Variants in CEP162 observed in about 807,000 individuals in gnomAD.
CEP162 encodes the protein centrosomal protein 162, also known as centrosomal protein of 162 kDa.
In CEP162, 141 loss-of-function variants were observed where a neutral mutation model predicts 169.2. That is an observed-to-expected ratio of 0.83 (90% CI 0.73 to 0.96). CEP162 has a LOEUF of 0.96. Ranked by LOEUF, CEP162 falls within the 40% of genes least tolerant of loss-of-function variation. The pLI is 0.00. For synonymous variants in CEP162, 540 were observed against 526.4 expected, an observed-to-expected ratio of 1.03 and a Z score of -0.35; for missense variants, 1,600 against 1,587.2, an observed-to-expected ratio of 1.01 and a Z score of -0.14.
chr6:84,129,789 T>C (rs2099510515), intron 25 of CEP162, among the ~76,000 whole-genome samples: 1 of 152,210 alleles, frequency 6.6e-6, no homozygotes, highest in Admixed American at 6.5e-5. Flanking sequence ...AAATATACAA[T>C]TGTGTCATCT....
chr6:84,127,502 C>T (rs1313060594), intron 25 of CEP162, among the ~76,000 whole-genome samples: 1 of 151,948 alleles, frequency 6.6e-6, no homozygotes, highest in Non-Finnish European at 1.5e-5. Context: ...AGGGAGAGGC[C>T]TCACAGAACA....
In CEP162 at chr6:84,161,908, A is replaced by G; in HGVS notation, c.2514T>C (p.Gly838=). 1 of 1,499,578 alleles carries G rather than the reference A, an allele frequency of 6.7e-7. No individual in the cohort carries two copies. Among genetic ancestry groups the G allele is most frequent in the Admixed American group, 1.9e-5 (1 of 52,850 alleles). The allele number at this position is 1,499,578 out of a possible 1,614,324, so 92.9% of individuals were successfully genotyped here. A position where few individuals can be genotyped will look rare whatever the true frequency, so the allele number is the denominator to read the frequency against. Residue 838 remains glycine (G), a splice_region_variant and synonymous_variant, in exon 20 of 27, where the codon GGT becomes GGC. Coordinates refer to ENST00000403245, the MANE Select transcript of CEP162 (RefSeq NM_014895.4). The part of the protein sequence containing the change: ...QAKDQIAYVT[G]EKLYEIKILE... ...AAATTTTTATTTCATATAATTTCTC[A>G]CCTATAAGATACAGTAACTCAATAA...
In CEP162 at chr6:84,185,191, T is replaced by C. The variant is rs977137579; in HGVS notation, c.1659A>G (p.Lys553=). 6.2e-7 allele frequency: 1 copy of C among 1,609,296 alleles called. No homozygotes were observed. Among genetic ancestry groups the C allele is most frequent in the South Asian group, 1.1e-5 (1 of 90,938 alleles). Residue 553 remains lysine (K), a synonymous_variant, in exon 13 of 27, where the codon AAA becomes AAG. Transcript: ENST00000403245. The part of the protein sequence containing the change: ...RSISTSNQPR[K]KEILSGTKLI... ...AAATAAAGAGTATATGATTACCTTT[T>C]TTCCTAGGTTGATTGGAGGTAGAAA...
At chr6:84,176,544 A>AACGGG (rs2099532490) in intron 13 of CEP162, among the ~76,000 whole-genome samples, 2 of 152,196 alleles carry the variant, frequency 1.3e-5, no homozygotes, top group African/African-American at 4.8e-5. Context: ...GTACAGGTGG[A>AACGGG]ACGTCCCGGA....
chr6:84,210,575 G>A (rs2099549046), intron 6 of CEP162, among the ~76,000 whole-genome samples: 1 of 152,178 alleles, frequency 6.6e-6, no homozygotes, highest in Non-Finnish European at 1.5e-5. Context: ...GATAAGTTCA[G>A]AAAGGCTGAG....
chr6:84,206,058 C>T (rs1429648245), intron 6 of CEP162, among the ~76,000 whole-genome samples: 17 of 148,478 alleles, frequency 1.1e-4, no homozygotes, highest in South Asian at 6.2e-4. Context: ...CCCTGCTCAA[C>T]GAAATAAAAG....
At chr6:84,150,326 T>C (rs1411144387) in intron 23 of CEP162, among the ~76,000 whole-genome samples, 2 of 152,196 alleles carry the variant, frequency 1.3e-5, no homozygotes, top group African/African-American at 4.8e-5. Context: ...AGATTTGGTA[T>C]ATTTCCTACA....
intron 13 of CEP162, among the ~76,000 whole-genome samples, chr6:84,180,090 C>T (rs1053213879): frequency 6.6e-6 from 1 of 152,114 alleles, no homozygotes; most frequent in African/African-American, 2.4e-5. Flanking sequence ...ATGCAAAAAT[C>T]CTCAATGAAA....
Position 84,185,402 on chromosome 6 carries a change from C to T in CEP162, c.1448G>A (p.Gly483Asp), listed in dbSNP as rs774502778. 4.3e-6 allele frequency: 7 copies of T among 1,613,236 alleles called. No homozygotes were observed. The East Asian group carries it at 8.9e-5, about 21-fold the overall frequency. ...GGCCTTCTTGTATGGTACCTGTTTA[C>T]CCATTACAGCCCCTTCTTCTTCAGA... ...LSSEEEGAVMGKQVPYKKARS... is the reference protein window; with the variant it reads ...LSSEEEGAVMDKQVPYKKARS... The change falls in exon 13 of 27, where the codon GGT becomes GAT. Residue 483 changes from glycine to aspartate, a missense_variant. By Grantham distance (94) the Gly-to-Asp change is moderately conservative. Coordinates refer to ENST00000403245, the MANE Select transcript of CEP162 (RefSeq NM_014895.4).
intron 25 of CEP162, among the ~76,000 whole-genome samples, chr6:84,135,009 A>C (rs1290502339): frequency 1.3e-5 from 2 of 152,136 alleles, no homozygotes; most frequent in African/African-American, 4.8e-5. Context: ...GCATACATAC[A>C]TACATGAACA....
chr6:84,184,005 C>G (rs570896777), intron 13 of CEP162, among the ~76,000 whole-genome samples: 66 of 152,090 alleles, frequency 4.3e-4, no homozygotes, highest in Admixed American at 3.9e-4. Context: ...TCACAAAAAG[C>G]ATTCTCTCCT....
chr6:84,188,397 A>G (rs1362513469), intron 11 of CEP162, among the ~76,000 whole-genome samples: 1 of 152,094 alleles, frequency 6.6e-6, no homozygotes, highest in Admixed American at 6.6e-5. Context: ...CAACCTCTCA[A>G]GTAGGCCCCA....
intron 25 of CEP162, 51 bp from the exon 26 acceptor site, chr6:84,126,563 C>T (rs2099509013): frequency 7.8e-7 from 1 of 1,283,276 alleles, no homozygotes; most frequent in South Asian, 1.6e-5. Context: ...AAGAATTTAA[C>T]AGGTAATCTT....
In CEP162 at chr6:84,221,100, A is replaced by G. The variant is rs369514240; in HGVS notation, c.129T>C (p.Asp43=). Residue 43 remains aspartate (D), a synonymous_variant, in exon 3 of 27, where the codon GAT becomes GAC. Coordinates refer to ENST00000403245, the MANE Select transcript of CEP162 (RefSeq NM_014895.4). ...RQSKKEMKKK[D]TVPWWITEDD... ...CTTCAGTTATCCACCAAGGCACTGTATCTTTCTTCTTCATCTCTTTTTTAG... is the reference window on the plus strand; with the variant it reads ...CTTCAGTTATCCACCAAGGCACTGTGTCTTTCTTCTTCATCTCTTTTTTAG... 47 of 1,602,910 alleles carry G rather than the reference A, an allele frequency of 2.9e-5. No homozygotes were observed. The African/African-American group carries it at 5.4e-4, about 18-fold the overall frequency.
intron 6 of CEP162, among the ~76,000 whole-genome samples, chr6:84,211,846 C>A (rs1588883417): frequency 7.5e-6 from 1 of 134,082 alleles, no homozygotes; most frequent in Non-Finnish European, 1.6e-5. Flanking sequence ...CAACTCTGAA[C>A]AGAATAAATA....
intron 22 of CEP162, among the ~76,000 whole-genome samples, chr6:84,154,358 G>GTCTGTCTGTCTGTCTATCTA (rs1554165787): frequency 6.7e-6 from 1 of 149,676 alleles, no homozygotes; most frequent in African/African-American, 2.5e-5. Context: ...CTGTCTGTCT[G>GTCTGTCTGTCTGTCTATCTA]TCTATCTATC....
chr6:84,188,542 T>C (rs1353839572), intron 11 of CEP162, among the ~76,000 whole-genome samples: 1 of 152,186 alleles, frequency 6.6e-6, no homozygotes, highest in African/African-American at 2.4e-5. Context: ...TTCATCCATG[T>C]TGGTGCAAAG....
At chr6:84,196,359 GTGGAAC>G (rs1486629041) in intron 9 of CEP162, among the ~76,000 whole-genome samples, 2 of 152,196 alleles carry the variant, frequency 1.3e-5, no homozygotes, top group Non-Finnish European at 2.9e-5. Flanking sequence ...CCCCAGCCAT[GTGGAAC>G]TGTAAATACA....
rs748509688 is a variant in CEP162 at position 84,185,384 on chromosome 6, T to C, written c.1466A>G (p.Lys489Arg). ...TAAAGGAGGTGCACTTCTGGCCTTC[T>C]TGTATGGTACCTGTTTACCCATTAC... ...GAVMGKQVPYKKARSAPPLLK... is the reference protein window; with the variant it reads ...GAVMGKQVPYRKARSAPPLLK... The change falls in exon 13 of 27, where the codon AAG (lysine) becomes AGG (arginine). Residue 489 changes from lysine (K) to arginine (R), a missense_variant. Physicochemically the swap from Lys to Arg is conservative, Grantham distance 26. Transcript: ENST00000403245. 5.6e-6 allele frequency: 9 copies of C among 1,613,594 alleles called. No homozygotes were observed. The highest frequency in any genetic ancestry group is 1.7e-5 in the Admixed American group (1 of 60,010).
Sources: gnomAD v4.1 joint callset for allele counts (sites outside exome capture counted in the v4.1 genomes callset) on GRCh38, gnomAD v4.1.1 for gene constraint, MANE v1.5 for transcripts, NCBI Gene and HGNC (gene_info 2026-07-23, HGNC 2026-07-21) for gene names.